Variants in TRIO observed in about 807,000 individuals in gnomAD.
The protein encoded by TRIO is trio Rho guanine nucleotide exchange factor, also known as triple functional domain protein.
A neutral mutation model predicts 351.9 loss-of-function variants in TRIO; 58 were observed. The observed-to-expected ratio is 0.16, with a 90% CI of 0.13 to 0.21. The LOEUF (loss-of-function observed/expected upper bound fraction) is 0.21, where lower values mean the gene tolerates loss of function less well. Ranked by LOEUF, TRIO falls within the 10% of genes least tolerant of loss-of-function variation. The pLI, the probability that TRIO is intolerant of heterozygous loss-of-function variation, is 1.00. For missense variants in TRIO, 3,201 were observed against 4,027.8 expected, an observed-to-expected ratio of 0.79 and a Z score of 5.56; for synonymous variants, 1,758 against 1,595.7, an observed-to-expected ratio of 1.10 and a Z score of -2.42.
At chr5:14,306,661 A>G (rs1279250813) in intron 8 of TRIO, among the ~76,000 whole-genome samples, 2 of 152,202 alleles carry the variant, frequency 1.3e-5, no homozygotes, top group Non-Finnish European at 2.9e-5. Context: ...AATAGCCTTC[A>G]TTTACAAGGT....
intron 1 of TRIO, among the ~76,000 whole-genome samples, chr5:14,187,527 A>G (rs1330888952): frequency 6.6e-6 from 1 of 152,166 alleles, no homozygotes; most frequent in East Asian, 1.9e-4. Flanking sequence ...TGTTTTTGAA[A>G]ACCATTGTAC....
chr5:14,336,405 T>G (rs1452446061), intron 10 of TRIO, 131 bp from the exon 11 acceptor site: 1 of 915,924 alleles, frequency 1.1e-6, no homozygotes, highest in African/African-American at 1.7e-5. Flanking sequence ...CCCCATCATA[T>G]TTTTCTGTTT....
At chr5:14,248,757 A>G (rs1203029816) in intron 1 of TRIO, among the ~76,000 whole-genome samples, 1 of 152,346 alleles carries the variant, frequency 6.6e-6, no homozygotes, top group South Asian at 2.1e-4. Context: ...TGTGTGCTAC[A>G]GTGGTGCTCA....
intron 18 of TRIO, among the ~76,000 whole-genome samples, chr5:14,370,801 G>A (rs560491363): frequency 5.2e-4 from 79 of 152,262 alleles, no homozygotes; most frequent in African/African-American, 1.8e-3. Flanking sequence ...AATGCTGACC[G>A]CTGTTAGGAT....
chr5:14,387,350 C>T (rs1257202825), intron 21 of TRIO, 88 bp from the exon 22 acceptor site: 3 of 1,373,800 alleles, frequency 2.2e-6, no homozygotes, highest in African/African-American at 1.5e-5. Context: ...GTTCAGAGCT[C>T]AGAGTTGGAG....
At chr5:14,198,445 G>A (rs568322211) in intron 1 of TRIO, among the ~76,000 whole-genome samples, 1 of 152,182 alleles carries the variant, frequency 6.6e-6, no homozygotes, top group South Asian at 2.1e-4. Flanking sequence ...CAGATCATCT[G>A]GTCCAACCTT....
chr5:14,507,571 AT>A (rs1465050651), intron 56 of TRIO, among the ~76,000 whole-genome samples: 1 of 151,962 alleles, frequency 6.6e-6, no homozygotes, highest in Non-Finnish European at 1.5e-5. Flanking sequence ...GAAAGAGAGC[AT>A]TCCCCTTGGT....
intron 1 of TRIO, among the ~76,000 whole-genome samples, chr5:14,266,065 C>CTTTTCTTTTTT (rs142016270): frequency 0.083 from 12,505 of 151,226 alleles, 586 homozygotes; most frequent in African/African-American, 0.1. Flanking sequence ...CTTTCTTTTC[C>CTTTTCTTTTTT]TTTTCTTTTT....
rs1429556466 is a variant in TRIO, at chr5:14,143,778, C to G, written c.53C>G (p.Ala18Gly). ...GCCCCCGCCGCGTCCTCCGGCCCCG[C>G]CGCGGCGGCCAGCGCGGCTGGCTCG... is the stretch of plus-strand genomic sequence containing the variant. ...AAAPAASSGP[A>G]AAASAAGSGC... The change falls in exon 1 of 57, where the codon GCC becomes GGC. Residue 18 changes from alanine (A) to glycine (G), a missense_variant. Coordinates refer to ENST00000344204, the MANE Select transcript of TRIO (RefSeq NM_007118.4). 9.8e-6 allele frequency: 10 copies of G among 1,017,104 alleles called. No homozygotes were observed. Among genetic ancestry groups the G allele is most frequent in the Non-Finnish European group, 3.5e-6 (3 of 852,708 alleles). The allele number at this position is 1,017,104 out of a possible 1,614,324, so 63.0% of individuals were successfully genotyped here. A position where few individuals can be genotyped will look rare whatever the true frequency, so the allele number is the denominator to read the frequency against.
chr5:14,365,600 C>A (rs16903414), intron 15 of TRIO, among the ~76,000 whole-genome samples: 7,321 of 152,234 alleles, frequency 0.048, 598 homozygotes, highest in African/African-American at 0.17. Context: ...CTAACAAAGC[C>A]CTCCTTCTTG....
intron 1 of TRIO, among the ~76,000 whole-genome samples, chr5:14,268,857 C>T (rs1042807136): frequency 6.6e-5 from 10 of 152,194 alleles, no homozygotes; most frequent in Admixed American, 6.5e-4. Flanking sequence ...TCCACGGCAG[C>T]CACGGCAGAT....
intron 28 of TRIO, among the ~76,000 whole-genome samples, chr5:14,395,820 C>T (rs1203612937): frequency 1.3e-5 from 2 of 152,024 alleles, no homozygotes; most frequent in Non-Finnish European, 2.9e-5. Context: ...CCGAGGCAGG[C>T]GGATCACGAC....
chr5:14,449,331 G>T (rs1752671806), intron 34 of TRIO, among the ~76,000 whole-genome samples: 1 of 152,202 alleles, frequency 6.6e-6, no homozygotes, highest in African/African-American at 2.4e-5. Flanking sequence ...GGGAAGCAGA[G>T]AAAGTCCCAT....
chr5:14,504,296 G>A, intron 54 of TRIO, 97 bp from the exon 55 acceptor site: 1 of 1,365,610 alleles, frequency 7.3e-7, no homozygotes. Flanking sequence ...GGACAGGGCT[G>A]GGCCACCACA....
chr5:14,187,485 C>G (rs1167995921), intron 1 of TRIO, among the ~76,000 whole-genome samples: 1 of 152,140 alleles, frequency 6.6e-6, no homozygotes, highest in East Asian at 1.9e-4. Context: ...ACATCTCCCC[C>G]ATAATTGACT....
chr5:14,498,668 G>C (rs775808024), intron 53 of TRIO, 28 bp downstream of exon 53: 3 of 1,604,992 alleles, frequency 1.9e-6, no homozygotes, highest in Admixed American at 1.7e-5. Flanking sequence ...AGGATTCTAC[G>C]TGACCCAGTG....
At chr5:14,384,132 C>T (rs367951139) in intron 21 of TRIO, among the ~76,000 whole-genome samples, 8 of 152,272 alleles carry the variant, frequency 5.3e-5, no homozygotes, top group East Asian at 1.9e-4. Context: ...AACCTAGTGA[C>T]GTAGGCTCTC....
intron 7 of TRIO, among the ~76,000 whole-genome samples, chr5:14,302,930 C>T (rs1251360697): frequency 6.6e-6 from 1 of 152,200 alleles, no homozygotes; most frequent in Non-Finnish European, 1.5e-5. Context: ...TGATGGATTT[C>T]GATAGGATCT....
intron 1 of TRIO, among the ~76,000 whole-genome samples, chr5:14,201,825 G>T (rs894025205): frequency 1.8e-4 from 27 of 151,998 alleles, no homozygotes; most frequent in African/African-American, 6.3e-4. Context: ...GAAATAGGTG[G>T]ACCTGAATGG....
Sources: allele counts gnomAD v4.1 joint callset (sites outside exome capture counted in the v4.1 genomes callset), GRCh38; gene constraint gnomAD v4.1.1; transcripts MANE v1.5; gene names NCBI Gene and HGNC (gene_info 2026-07-23, HGNC 2026-07-21).